HNRNPU: variants seen among roughly 807,000 people sequenced by gnomAD.
The protein encoded by HNRNPU is HNRNPU antisense RNA 1.
Under a neutral mutation model 94.7 loss-of-function variants are expected in HNRNPU, and 5 were observed. The ratio of observed to expected loss-of-function variants is 0.05; its 90% CI spans 0.03 to 0.11. The LOEUF (loss-of-function observed/expected upper bound fraction) is 0.11, where lower values mean the gene tolerates loss of function less well. HNRNPU is among the 10% of genes least tolerant of loss of function. The probability of loss-of-function intolerance (pLI) is 1.00; values close to 1 mark genes in which losing one functional copy is unlikely to be tolerated. For missense variants in HNRNPU, 710 were observed against 1,049.2 expected, an observed-to-expected ratio of 0.68 and a Z score of 4.47; for synonymous variants, 434 against 381.6, an observed-to-expected ratio of 1.14 and a Z score of -1.60.
intron 10 of HNRNPU, 57 bp downstream of exon 10, chr1:244,856,400 G>C (rs1260254058): frequency 6.5e-7 from 1 of 1,527,834 alleles, no homozygotes. Context: ...GAATATGTAG[G>C]AAAAACATTC....
At chr1:244,856,242 G>T in intron 10 of HNRNPU, 84 bp from the exon 11 acceptor site, 1 of 1,385,430 alleles carries the variant, frequency 7.2e-7, no homozygotes, top group Non-Finnish European at 9.8e-7. Flanking sequence ...TTGAGGTTTA[G>T]TAACATATTT....
At chr1:244,857,381 G>T in intron 8 of HNRNPU, 1 of 453,196 alleles carries the variant, frequency 2.2e-6, no homozygotes, top group South Asian at 3.2e-5. Flanking sequence ...CGAGCAGCTG[G>T]GATTACAGGA....
At chr1:244,858,348 AGGAGCAAAGCTTATC>A in intron 6 of HNRNPU, 74 bp from the exon 7 acceptor site, 1 of 1,383,848 alleles carries the variant, frequency 7.2e-7, no homozygotes, top group Non-Finnish European at 9.9e-7. Context: ...AATTAAAATT[AGGAGCAAAGCTTATC>A]CTGTGGAAGC....
rs752112910 is a variant in HNRNPU, at chr1:244,858,004, C to A, written c.1494+7G>T. ...ATGCCACAGTTAAAAAAAAAAAAAT[C>A]CCTTACTTCACAATCTTTCTTCTCT... On this transcript the variant is annotated splice_region_variant and intron_variant, in intron 7 of 13. Coordinates refer to ENST00000640218, the MANE Select transcript of HNRNPU (RefSeq NM_031844.3). 14 of 1,574,030 alleles carry A rather than the reference C, an allele frequency of 8.9e-6. No individual in the cohort carries two copies. Among genetic ancestry groups the A allele is most frequent in the African/African-American group, 1.4e-5 (1 of 72,474 alleles).
chr1:244,864,076 C>T lies in HNRNPU; in HGVS notation c.232G>A (p.Ala78Thr), dbSNP rs1558190755. ...TCCTCTTCATCGCCGCCGGCCGCGG[C>T]CTCCTGCTCGAGGCCTGCTCCCGAG... Reference protein sequence around the residue: ...GRSGAGLEQEAAAGGDEEEEE... With the variant: ...GRSGAGLEQETAAGGDEEEEE... Residue 78 changes from alanine to threonine, a missense_variant, in exon 1 of 14, where the codon GCC (alanine) becomes ACC (threonine). Physicochemically the swap from Ala to Thr is moderately conservative, Grantham distance 58. Transcript: ENST00000640218. 1 of 1,601,078 alleles carries T rather than the reference C, an allele frequency of 6.2e-7. No homozygotes were observed. The highest frequency in any genetic ancestry group is 8.5e-7 in the Non-Finnish European group (1 of 1,174,192).
chr1:244,862,809 G>C, intron 1 of HNRNPU, 79 bp from the exon 2 acceptor site: 1 of 974,314 alleles, frequency 1.0e-6, no homozygotes, highest in Non-Finnish European at 1.7e-6. Flanking sequence ...AACCAAAGCA[G>C]CTCGACTTTA....
chr1:244,863,811 G>A lies in HNRNPU; in HGVS notation c.497C>T (p.Pro166Leu), dbSNP rs1342853101. The change falls in exon 1 of 14, where the codon CCG becomes CTG. Residue 166 changes from proline (P) to leucine (L), a missense_variant. This residue lies in a region of HNRNPU where 292 missense variants were observed against 293.4 expected (regional missense o/e 1.00). Coordinates refer to ENST00000640218, the MANE Select transcript of HNRNPU (RefSeq NM_031844.3). ...TTGGGGCTGTTGCTGCTGCGTCGCC[G>A]GCGGTTGAGGCTGCTGCTCCCCGTG... is the stretch of plus-strand genomic sequence containing the variant. Reference protein sequence around the residue: ...NGHGEQQPQPPATQQQQPQQQ... With the variant: ...NGHGEQQPQPLATQQQQPQQQ... 1.9e-6 allele frequency: 3 copies of A among 1,606,732 alleles called. No individual in the cohort carries two copies. The highest frequency in any genetic ancestry group is 1.1e-5 in the South Asian group (1 of 90,696).
Position 244,863,806 on chromosome 1 carries a change from T to A in HNRNPU, c.502A>T (p.Thr168Ser), listed in dbSNP as rs771867326. 6.2e-7 allele frequency: 1 copy of A among 1,606,728 alleles called. No individual in the cohort carries two copies. Among genetic ancestry groups the A allele is most frequent in the South Asian group, 1.1e-5 (1 of 90,516 alleles). ...TGCTGTTGGGGCTGTTGCTGCTGCG[T>A]CGCCGGCGGTTGAGGCTGCTGCTCC... ...HGEQQPQPPA[T>S]QQQQPQQQRG... is the part of the protein sequence containing the mutation. The change falls in exon 1 of 14, where the codon ACG (threonine) becomes TCG (serine). Residue 168 changes from threonine (T) to serine (S), a missense_variant. By Grantham distance (58) the Thr-to-Ser change is moderately conservative. Transcript: ENST00000640218.
At chr1:244,862,317 G>A in intron 3 of HNRNPU, 144 bp downstream of exon 3, 2 of 609,664 alleles carry the variant, frequency 3.3e-6, no homozygotes, top group East Asian at 2.8e-5. Flanking sequence ...AAACTACTAG[G>A]TTCTGAATGT....
At position 244,855,883 on chromosome 1, in the gene HNRNPU, G is replaced by C. The variant is rs566829652; in HGVS notation, c.2167+21C>G. On this transcript the variant is annotated intron_variant, in intron 11 of 13. Transcript: ENST00000640218. The stretch of plus-strand genomic sequence containing the variant: ...TTGTTTCGATCCTGAACTAAATACA[G>C]AACACTCAAAATTAACTTGCCTCCT... The C allele has an allele frequency of 9.3e-6, 15 of 1,612,222 alleles. No individual in the cohort carries two copies. In the South Asian group the frequency reaches 1.4e-4, roughly 15 times the overall value.
chr1:244,858,707 T>C (rs1477642823), intron 6 of HNRNPU, 22 bp downstream of exon 6: 9 of 1,313,108 alleles, frequency 6.9e-6, no homozygotes, highest in Admixed American at 3.4e-5. Context: ...CATTTATACA[T>C]AGAAAGTTAG....
chr1:244,860,681 C>T, intron 3 of HNRNPU: 1 of 576,526 alleles, frequency 1.7e-6, no homozygotes, highest in Admixed American at 3.4e-5. Flanking sequence ...AAGTAAACTG[C>T]CTGTGAAACT....
At chr1:244,855,713 T>C in intron 11 of HNRNPU, 105 bp from the exon 12 acceptor site, 5 of 1,366,782 alleles carry the variant, frequency 3.7e-6, no homozygotes, top group Non-Finnish European at 4.0e-6. Flanking sequence ...AATAATTGTT[T>C]AAAGACAAAA....
In HNRNPU at chr1:244,863,020, G is replaced by A. The variant is rs374467777; in HGVS notation, c.692-290C>T. On this transcript the variant is annotated intron_variant, in intron 1 of 13. Transcript: ENST00000640218. ...GTGTATCCCGAAGAGAGCGCAGAGA[G>A]GGGGAGGGGCCGAGCCCGGCGCGGC... 23 of 371,048 alleles carry A rather than the reference G, an allele frequency of 6.2e-5. No homozygotes were observed. The East Asian group carries it at 7.4e-4, about 12-fold the overall frequency. The allele number at this position is 371,048 out of a possible 1,614,324, so 23.0% of individuals were successfully genotyped here.
In HNRNPU at chr1:244,852,982, G is replaced by A. The variant is rs1392235684; in HGVS notation, c.*1468C>T. ...TTATTACATAGCTACAGTCAAGTTAGCAGTGTTGTGTAGCAGTGACATCAA... is the reference window on the plus strand; with the variant it reads ...TTATTACATAGCTACAGTCAAGTTAACAGTGTTGTGTAGCAGTGACATCAA... On this transcript the variant is annotated 3_prime_UTR_variant, in exon 14 of 14. Coordinates refer to ENST00000640218, the MANE Select transcript of HNRNPU (RefSeq NM_031844.3). The A allele has an allele frequency of 6.6e-6, 1 of 152,562 alleles. No homozygotes were observed. Among genetic ancestry groups the A allele is most frequent in the African/African-American group, 2.4e-5 (1 of 41,432 alleles). 9.5% of individuals were successfully genotyped at this position (152,562 alleles called of 1,614,324 possible). A position where few individuals can be genotyped will look rare whatever the true frequency, so the allele number is the denominator to read the frequency against.
rs752096616 is a variant in HNRNPU at position 244,858,147 on chromosome 1, C to G, written c.1358G>C (p.Cys453Ser). The G allele has an allele frequency of 1.2e-6, 2 of 1,614,032 alleles. No homozygotes were observed. The highest frequency in any genetic ancestry group is 2.7e-5 in the African/African-American group (2 of 74,910). ...PLFPHVLCHNCAVEFNFGQKE... is the reference protein window; with the variant it reads ...PLFPHVLCHNSAVEFNFGQKE... ...CTGACCAAAATTAAATTCAACTGCA[C>G]AGTTGTGGCAGAGAACATGCGGGAA... The change falls in exon 7 of 14, where the codon TGT (cysteine) becomes TCT (serine). Residue 453 changes from cysteine (C) to serine (S), a missense_variant. Cys to Ser is a moderately radical substitution (Grantham distance 112, BLOSUM62 -1). This residue lies in a region of HNRNPU where 150 missense variants were observed against 187.9 expected (regional missense o/e 0.80). Transcript: ENST00000640218.
intron 4 of HNRNPU, chr1:244,860,102 C>CCT (rs1680786824): frequency 2.5e-6 from 1 of 396,622 alleles, no homozygotes. Context: ...GAGTTGGCGA[C>CCT]CAGCCTGGCC....
chr1:244,863,533 C>A (rs1447529299), intron 1 of HNRNPU, 84 bp downstream of exon 1: 4 of 1,275,270 alleles, frequency 3.1e-6, no homozygotes, highest in African/African-American at 1.6e-5. Flanking sequence ...GCTCCCTCCC[C>A]CTGCGGGGCT....
In HNRNPU at chr1:244,864,299, G is replaced by C. The variant is rs886231659; in HGVS notation, c.9C>G (p.Ser3=). 1 of 1,612,830 alleles carries C rather than the reference G, an allele frequency of 6.2e-7. No individual in the cohort carries two copies. Among genetic ancestry groups the C allele is most frequent in the Non-Finnish European group, 8.5e-7 (1 of 1,179,714 alleles). Residue 3 remains serine (S), a synonymous_variant, in exon 1 of 14, where the codon TCC becomes TCG. Transcript: ENST00000640218. The stretch of plus-strand genomic sequence containing the variant: ...TCAGCTTTTTTACATTAACAGGCGA[G>C]GAACTCATGGTGAGGGCCCCGATTC... MS[S]SPVNVKKLKV...
Sources: allele counts gnomAD v4.1 joint callset, GRCh38; gene constraint gnomAD v4.1.1; regional missense constraint gnomAD v4.1.1; transcripts MANE v1.5; gene names NCBI Gene and HGNC (gene_info 2026-07-23, HGNC 2026-07-21).